Variants in SCAP observed in about 807,000 individuals in gnomAD.
SCAP encodes SREBF chaperone.
A neutral mutation model predicts 123.6 loss-of-function variants in SCAP; 65 were observed. The observed-to-expected ratio is 0.53, with a 90% CI of 0.43 to 0.65. SCAP has a LOEUF of 0.65. SCAP is among the 30% of genes least tolerant of loss of function. The pLI is 0.00. For missense variants in SCAP, 1,398 were observed against 1,712.5 expected, an observed-to-expected ratio of 0.82 and a Z score of 3.24; for synonymous variants, 740 against 726.3, an observed-to-expected ratio of 1.02 and a Z score of -0.30.
intron 1 of SCAP, among the ~76,000 whole-genome samples, chr3:47,444,496 T>C (rs1706947135): frequency 6.6e-6 from 1 of 152,188 alleles, no homozygotes; most frequent in African/African-American, 2.4e-5. Context: ...TTTTTTGACA[T>C]AGAATCTCAC....
chr3:47,468,838 T>C (rs1254333361), intron 1 of SCAP, among the ~76,000 whole-genome samples: 1 of 152,102 alleles, frequency 6.6e-6, no homozygotes, highest in African/African-American at 2.4e-5. Flanking sequence ...TCTTCTAGGG[T>C]TTTTATGGTT....
chr3:47,427,798 C>T (rs1559548305), intron 4 of SCAP, 131 bp from the exon 5 acceptor site: 1 of 746,074 alleles, frequency 1.3e-6, no homozygotes, highest in Non-Finnish European at 2.2e-6. Context: ...AAGAGCCTGA[C>T]CACTAGGGCA....
At chr3:47,435,311 AAT>A (rs1483705199) in intron 2 of SCAP, among the ~76,000 whole-genome samples, 174 bp from the exon 3 acceptor site, 2 of 152,178 alleles carry the variant, frequency 1.3e-5, no homozygotes, top group Admixed American at 6.6e-5. Context: ...TCTAGATTAG[AAT>A]TTTTCAAACT....
chr3:47,429,395 A>G (rs1328892092), intron 3 of SCAP, among the ~76,000 whole-genome samples: 5 of 152,178 alleles, frequency 3.3e-5, no homozygotes, highest in African/African-American at 1.2e-4. Flanking sequence ...GTCTTGCTCT[A>G]TTGCCCAATC....
chr3:47,437,598 T>C (rs1706632873), intron 2 of SCAP, among the ~76,000 whole-genome samples: 3 of 149,950 alleles, frequency 2.0e-5, no homozygotes, highest in Non-Finnish European at 4.4e-5. Context: ...ATACAAAAGT[T>C]AGCCAGGCAT....
intron 18 of SCAP, 102 bp from the exon 19 acceptor site, chr3:47,415,282 GGA>G: frequency 9.5e-7 from 1 of 1,053,772 alleles, no homozygotes; most frequent in Non-Finnish European, 1.4e-6. Flanking sequence ...AGAAGGCACA[GGA>G]GGGACATGGC....
At chr3:47,443,196 T>A in intron 1 of SCAP, 105 bp from the exon 2 acceptor site, 1 of 791,632 alleles carries the variant, frequency 1.3e-6, no homozygotes, top group Non-Finnish European at 1.9e-6. Context: ...GGTTTCAGAA[T>A]GCCTATATGC....
In SCAP at chr3:47,414,179, C is replaced by T; in HGVS notation, c.3594+1G>A. The T allele has an allele frequency of 6.2e-7, 1 of 1,613,738 alleles. No individual in the cohort carries two copies. Among genetic ancestry groups the T allele is most frequent in the Non-Finnish European group, 8.5e-7 (1 of 1,180,026 alleles). On this transcript the variant is annotated splice_donor_variant, in intron 22 of 22. Coordinates refer to ENST00000265565, the MANE Select transcript of SCAP (RefSeq NM_012235.4). LOFTEE classifies it high-confidence loss of function. ...AATCCTATGATCCCCATCCCCTCTACCTGCTGAATGGAGTAGAACTTGATG... is the reference window on the plus strand; with the variant it reads ...AATCCTATGATCCCCATCCCCTCTATCTGCTGAATGGAGTAGAACTTGATG...
At chr3:47,427,367 G>A in intron 5 of SCAP, 80 bp downstream of exon 5, 1 of 1,558,770 alleles carries the variant, frequency 6.4e-7, no homozygotes, top group Non-Finnish European at 8.8e-7. Context: ...GGTAAACCCT[G>A]ATCTGCCTAA....
intron 2 of SCAP, among the ~76,000 whole-genome samples, chr3:47,438,814 G>A (rs1193334048): frequency 6.7e-6 from 1 of 148,250 alleles, no homozygotes; most frequent in Non-Finnish European, 1.5e-5. Context: ...GGGAGACCCT[G>A]TCTCAAAAAA....
intron 3 of SCAP, among the ~76,000 whole-genome samples, chr3:47,431,009 G>A (rs201890887): frequency 6.6e-6 from 1 of 152,144 alleles, no homozygotes; most frequent in Admixed American, 6.5e-5. Context: ...GCAACCGTCT[G>A]AGCCTTTGTG....
Position 47,419,550 on chromosome 3 carries a change from G to A in SCAP, c.1718C>T (p.Pro573Leu), listed in dbSNP as rs758490301. 22 of 1,613,148 alleles carry A rather than the reference G, an allele frequency of 1.4e-5. No homozygotes were observed. The highest frequency in any genetic ancestry group is 3.3e-4 in the Middle Eastern group (2 of 6,076). ...TGGGAAGATGGAGAAGGCAGGGTCC[G>A]GGTGGCTGGGGGGCAGCATGCCACT... ...VPSGMLPPSH[P>L]DPAFSIFPPD... The change falls in exon 13 of 23, where the codon CCG (proline) becomes CTG (leucine). Residue 573 changes from proline (P) to leucine (L), a missense_variant. By Grantham distance (98) the Pro-to-Leu change is moderately conservative. Transcript: ENST00000265565. The surrounding 1 kb of genome is among the most constrained non-coding windows in gnomAD (Gnocchi z 5.0).
chr3:47,459,455 T>C (rs2107987511), intron 1 of SCAP, among the ~76,000 whole-genome samples: 1 of 152,308 alleles, frequency 6.6e-6, no homozygotes, highest in East Asian at 1.9e-4. Context: ...ACATAGGTTC[T>C]TTCTATTTTC....
chr3:47,476,327 G>A (rs1463862122), upstream of SCAP, among the ~76,000 whole-genome samples: 1 of 152,174 alleles, frequency 6.6e-6, no homozygotes, highest in Non-Finnish European at 1.5e-5. Flanking sequence ...CGGCTGTGGT[G>A]GCGCGCACCT....
At position 47,427,057 on chromosome 3, in the gene SCAP, T is replaced by G. The variant is rs1706164181; in HGVS notation, c.737+100A>C. On this transcript the variant is annotated intron_variant, in intron 6 of 22. Coordinates refer to ENST00000265565, the MANE Select transcript of SCAP (RefSeq NM_012235.4). ...GGAGGCCTGGAAACTCTCCCAAGTT[T>G]CCAGGGGGCATTCAGAACACTCTAA... The G allele has an allele frequency of 4.9e-6, 4 of 809,450 alleles. No individual in the cohort carries two copies. The South Asian group carries it at 6.2e-5, about 13-fold the overall frequency. The allele number at this position is 809,450 out of a possible 1,614,324, so 50.1% of individuals were successfully genotyped here. A position where few individuals can be genotyped will look rare whatever the true frequency, so the allele number is the denominator to read the frequency against.
At chr3:47,459,352 C>T (rs1159036250) in intron 1 of SCAP, among the ~76,000 whole-genome samples, 2 of 152,214 alleles carry the variant, frequency 1.3e-5, no homozygotes, top group African/African-American at 4.8e-5. Flanking sequence ...AAGCTCTTGA[C>T]AGTTTTATAC....
rs1259269187 is a variant in SCAP at position 47,414,881 on chromosome 3, G to C, written c.3252C>G (p.Ala1084=). The C allele has an allele frequency of 6.2e-7, 1 of 1,612,556 alleles. No individual in the cohort carries two copies. The highest frequency in any genetic ancestry group is 1.3e-5 in the African/African-American group (1 of 74,934). Residue 1084 remains alanine (A), a synonymous_variant, in exon 20 of 23, where the codon GCC becomes GCG. Coordinates refer to ENST00000265565, the MANE Select transcript of SCAP (RefSeq NM_012235.4). ...CCAAGCGCCCAGCAGCGGCTTTCAGGGCTGTGATGGGTTTTTGGTGTGCAC... is the reference window on the plus strand; with the variant it reads ...CCAAGCGCCCAGCAGCGGCTTTCAGCGCTGTGATGGGTTTTTGGTGTGCAC... The part of the protein sequence containing the change: ...VPCAHQKPIT[A]LKAAAGRLVT...
At chr3:47,443,268 ACACACACAC>A (rs1706881838) in intron 1 of SCAP, 177 bp from the exon 2 acceptor site, 1 of 142,540 alleles carries the variant, frequency 7.0e-6, no homozygotes, top group Non-Finnish European at 1.3e-5. Flanking sequence ...ACACACACAC[ACACACACAC>A]TCTCTCTCTC....
rs774840099 is a variant in SCAP, at chr3:47,414,559, G to A, written c.3387+13C>T. The A allele has an allele frequency of 6.2e-7, 1 of 1,613,302 alleles. No individual in the cohort carries two copies. The highest frequency in any genetic ancestry group is 1.1e-5 in the South Asian group (1 of 91,080). On this transcript the variant is annotated intron_variant, in intron 21 of 22. Transcript: ENST00000265565. ...AGACTCTGTACCCCCTACCCCACCTGCAGGCCGCTTACCTGGTCAATGTAC... is the reference window on the plus strand; with the variant it reads ...AGACTCTGTACCCCCTACCCCACCTACAGGCCGCTTACCTGGTCAATGTAC...
Sources: gnomAD v4.1 joint callset for allele counts (sites outside exome capture counted in the v4.1 genomes callset) on GRCh38, gnomAD v4.1.1 for gene constraint, Gnocchi (gnomAD v3.1) non-coding constraint, MANE v1.5 for transcripts, NCBI Gene and HGNC (gene_info 2026-07-23, HGNC 2026-07-21) for gene names.